The following HSPA14 variants were observed in gnomAD, a reference collection of about 807,000 sequenced individuals.
HSPA14 encodes the protein heat shock protein family A (Hsp70) member 14.
HSPA14 carries 37 observed loss-of-function variants against 65.5 expected under a neutral mutation model. The ratio of observed to expected loss-of-function variants is 0.56; its 90% CI spans 0.43 to 0.74. The LOEUF is 0.74. Ranked by LOEUF, HSPA14 falls within the 30% of genes least tolerant of loss-of-function variation. The probability of loss-of-function intolerance (pLI) is 0.00; values close to 1 mark genes in which losing one functional copy is unlikely to be tolerated. For missense variants in HSPA14, 564 were observed against 607.6 expected (o/e 0.93, Z 0.75); for synonymous variants, 203 against 214.2 (o/e 0.95, Z 0.46).
chr10:14,869,008 G>A (rs1022629455), intron 12 of HSPA14, among the ~76,000 whole-genome samples: 25 of 151,836 alleles, frequency 1.6e-4, no homozygotes, highest in Admixed American at 7.2e-4. Flanking sequence ...CACCACGTTC[G>A]TCTAATTTTT....
In HSPA14 at chr10:14,867,921, A is replaced by C; in HGVS notation, c.1380+12A>C. 6.2e-7 allele frequency: 1 copy of C among 1,605,046 alleles called. No individual in the cohort carries two copies. On this transcript the variant is annotated intron_variant, in intron 12 of 13. Coordinates refer to ENST00000378372, the MANE Select transcript of HSPA14 (RefSeq NM_016299.4). ...CCAAGTTTGCACAGGTGAATACATA[A>C]AGTTAGACACATTAAACTGTTCAAC...
intron 9 of HSPA14, among the ~76,000 whole-genome samples, chr10:14,855,129 G>A (rs759987938): frequency 6.6e-6 from 1 of 152,084 alleles, no homozygotes; most frequent in Admixed American, 6.6e-5. Flanking sequence ...TAATTAAGAA[G>A]GAAATGAAAT....
intron 6 of HSPA14, 79 bp from the exon 7 acceptor site, chr10:14,851,140 A>C (rs1368599590): frequency 1.3e-6 from 1 of 792,634 alleles, no homozygotes; most frequent in African/African-American, 1.7e-5. Context: ...TTTTGTATAA[A>C]ATCTTTAGCA....
At chr10:14,857,341 C>A (rs1832711539) in intron 10 of HSPA14, among the ~76,000 whole-genome samples, 1 of 152,010 alleles carries the variant, frequency 6.6e-6, no homozygotes, top group Non-Finnish European at 1.5e-5. Context: ...ACTATTTTTA[C>A]CTCAAGTTAC....
In HSPA14 at chr10:14,848,814, C is replaced by T. The variant is rs1261577294; in HGVS notation, c.295C>T (p.Arg99Ter). 7 of 1,572,770 alleles carry T rather than the reference C, an allele frequency of 4.5e-6. No individual in the cohort carries two copies. Among genetic ancestry groups the T allele is most frequent in the Admixed American group, 3.5e-5 (2 of 57,590 alleles). The change falls in exon 5 of 14, where the codon CGA becomes TGA. Residue 99 changes from arginine (R) to a stop codon, truncating the protein, a stop_gained. Coordinates refer to ENST00000378372, the MANE Select transcript of HSPA14 (RefSeq NM_016299.4). LOFTEE classifies it high-confidence loss of function. The stretch of plus-strand genomic sequence containing the variant: ...GGTCATTGAAAAAAATGGGAAATTA[C>T]GATATGAAATAGATACTGGAGAAGA... ...CLVIEKNGKL[R>*]YEIDTGEETK...
intron 10 of HSPA14, among the ~76,000 whole-genome samples, chr10:14,863,770 G>A (rs1314541586): frequency 2.6e-5 from 4 of 152,146 alleles, no homozygotes; most frequent in African/African-American, 9.7e-5. Context: ...GAAATAGGGA[G>A]TTTAATCCAT....
At chr10:14,863,890 T>C (rs78869298) in intron 10 of HSPA14, among the ~76,000 whole-genome samples, 2,268 of 152,210 alleles carry the variant, frequency 0.015, 61 homozygotes, top group African/African-American at 0.052. Context: ...GATAGAATTA[T>C]TGTTGTCATG....
At chr10:14,852,648 A>G (rs967491164) in intron 8 of HSPA14, 117 bp downstream of exon 8, 2 of 835,768 alleles carry the variant, frequency 2.4e-6, no homozygotes, top group African/African-American at 3.5e-5. Context: ...TGGTTTTTTC[A>G]TTGCTTGGAA....
chr10:14,843,530 C>G, intron 3 of HSPA14: 3 of 1,550,708 alleles, frequency 1.9e-6, no homozygotes, highest in Non-Finnish European at 2.6e-6. Context: ...GCCTCCACAC[C>G]GCAGACTCCA....
intron 13 of HSPA14, 108 bp from the exon 14 acceptor site, chr10:14,871,420 A>C: frequency 1.5e-6 from 1 of 669,762 alleles, no homozygotes; most frequent in South Asian, 1.7e-5. Flanking sequence ...TTCTTTTGAA[A>C]ATTAAAATTA....
At chr10:14,857,092 C>T (rs1165554332) in intron 10 of HSPA14, among the ~76,000 whole-genome samples, 2 of 151,944 alleles carry the variant, frequency 1.3e-5, no homozygotes, top group East Asian at 3.9e-4. Context: ...AACCAATTTC[C>T]CCCCATATTA....
intron 3 of HSPA14, chr10:14,844,356 G>T: frequency 9.7e-7 from 1 of 1,025,936 alleles, no homozygotes; most frequent in Non-Finnish European, 1.2e-6. Flanking sequence ...AAGGCAGATT[G>T]GTTTACAAGA....
rs927718270 is a variant in HSPA14, at chr10:14,842,422, G to A, written c.221+2265G>A. 6.5e-7 allele frequency: 1 copy of A among 1,536,056 alleles called. No individual in the cohort carries two copies. Among genetic ancestry groups the A allele is most frequent in the African/African-American group, 1.4e-5 (1 of 73,056 alleles). On this transcript the variant is annotated intron_variant, in intron 3 of 13. Coordinates refer to ENST00000378372, the MANE Select transcript of HSPA14 (RefSeq NM_016299.4). This position sits in a 1 kb window ranked among gnomAD's most constrained non-coding sequence, Gnocchi z 5.2. ...ACAATGCAGATGTCTATCAGGCTGT[G>A]TCTAAGCGAATGCAGCAGGAGGGCT...
At chr10:14,869,808 C>T (rs1328383686) in intron 12 of HSPA14, among the ~76,000 whole-genome samples, 1 of 152,208 alleles carries the variant, frequency 6.6e-6, no homozygotes, top group African/African-American at 2.4e-5. Context: ...GCTCTTCTCT[C>T]ACAGTTCTGT....
intron 3 of HSPA14, chr10:14,845,099 G>A (rs753227223): frequency 4.0e-4 from 398 of 985,444 alleles, no homozygotes; most frequent in South Asian, 2.0e-3. Context: ...AGCACTAGCC[G>A]TGAACAGATG....
In HSPA14 at chr10:14,855,893, A is replaced by G. The variant is rs774645059; in HGVS notation, c.943A>G (p.Ile315Val). The change falls in exon 10 of 14, where the codon ATC becomes GTC. Residue 315 changes from isoleucine (I) to valine (V), a missense_variant. Transcript: ENST00000378372. ...SPLFNKCIEA[I>V]RGLLDQNGFT... ...ACTTTTTAATAAGTGTATAGAAGCA[A>G]TCAGAGGACTCTTAGATCAAAATGG... 8 of 1,610,190 alleles carry G rather than the reference A, an allele frequency of 5.0e-6. No individual in the cohort carries two copies. Among genetic ancestry groups the G allele is most frequent in the East Asian group, 4.5e-5 (2 of 44,806 alleles).
At position 14,838,337 on chromosome 10, in the gene HSPA14, G is replaced by A; in HGVS notation, c.-66G>A. On this transcript the variant is annotated 5_prime_UTR_variant, in exon 1 of 14. Coordinates refer to ENST00000378372, the MANE Select transcript of HSPA14 (RefSeq NM_016299.4). ...CTCCGCGGTGCCTGATGGGGCCGTT[G>A]GGCGGCCGGTAGCTGTTGCTGTTGG... The A allele has an allele frequency of 1.3e-6, 2 of 1,489,250 alleles. No homozygotes were observed. Among genetic ancestry groups the A allele is most frequent in the South Asian group, 1.2e-5 (1 of 83,472 alleles). 92.3% of individuals were successfully genotyped at this position (1,489,250 alleles called of 1,614,324 possible). A position where few individuals can be genotyped will look rare whatever the true frequency, so the allele number is the denominator to read the frequency against.
chr10:14,842,917 T>C lies in HSPA14; in HGVS notation c.221+2760T>C. 1 of 1,099,164 alleles carries C rather than the reference T, an allele frequency of 9.1e-7. No homozygotes were observed. The highest frequency in any genetic ancestry group is 2.6e-5 in the Admixed American group (1 of 37,954). The allele number at this position is 1,099,164 out of a possible 1,614,324, so 68.1% of individuals were successfully genotyped here. A position where few individuals can be genotyped will look rare whatever the true frequency, so the allele number is the denominator to read the frequency against. ...CTCTAAACATTTAGCTGTGTCTGTT[T>C]GGATAGTGTCCTCTTCAGCATAGTT... On this transcript the variant is annotated intron_variant, in intron 3 of 13. Transcript: ENST00000378372. This position sits in a 1 kb window ranked among gnomAD's most constrained non-coding sequence, Gnocchi z 5.2.
At chr10:14,868,749 CTTA>C (rs1832828399) in intron 12 of HSPA14, among the ~76,000 whole-genome samples, 1 of 152,114 alleles carries the variant, frequency 6.6e-6, no homozygotes, top group Non-Finnish European at 1.5e-5. Flanking sequence ...CTTTTGACAC[CTTA>C]TACTGAATTT....
Sources: gnomAD v4.1 joint callset for allele counts (sites outside exome capture counted in the v4.1 genomes callset) on GRCh38, gnomAD v4.1.1 for gene constraint, Gnocchi (gnomAD v3.1) non-coding constraint, MANE v1.5 for transcripts, NCBI Gene and HGNC (gene_info 2026-07-23, HGNC 2026-07-21) for gene names.